Variants in ROBO2 observed in about 807,000 individuals in gnomAD.
ROBO2 encodes roundabout homolog 2.
In ROBO2, 53 loss-of-function variants were observed where a neutral mutation model predicts 160.8. That is an observed-to-expected ratio of 0.33 (90% CI 0.26 to 0.41). ROBO2 has a LOEUF of 0.41. ROBO2 is among the 10% of genes least tolerant of loss of function. ROBO2 has a pLI of 1.00. For synonymous variants in ROBO2, 664 were observed against 611.7 expected (o/e 1.09, Z -1.26); for missense variants, 1,577 against 1,722.4 (o/e 0.92, Z 1.49).
At chr3:76,363,666 T>C (rs1464744976) in intron 2 of ROBO2, among the ~76,000 whole-genome samples, 1 of 152,012 alleles carries the variant, frequency 6.6e-6, no homozygotes, top group African/African-American at 2.4e-5. Context: ...AAAAATCAAT[T>C]AATCTTAACT....
chr3:77,617,600 T>A, exon 22 of ROBO2: 1 of 1,614,150 alleles, frequency 6.2e-7, no homozygotes, highest in Non-Finnish European at 8.5e-7. Context: ...AAGATGATGA[T>A]AGGGTCCCAA....
Position 76,793,755 on chromosome 3 carries a change from G to T in ROBO2, c.110-304259G>T, listed in dbSNP as rs960924. Reference sequence around the variant, plus strand: ...GTCCTCCTTTCTACCACATCACTCTGCTATTTCTGTATCACCTATTTTGAC... The same window carrying T: ...GTCCTCCTTTCTACCACATCACTCTTCTATTTCTGTATCACCTATTTTGAC... On this transcript the variant is annotated intron_variant, in intron 2 of 26. Transcript: ENST00000487694. Among the ~76,000 whole-genome samples the T allele has an allele frequency of 2.0e-5, 3 of 151,764 alleles. No individual in the cohort carries two copies. In the East Asian group the frequency reaches 5.9e-4, roughly 30 times the overall value.
intron 2 of ROBO2, among the ~76,000 whole-genome samples, chr3:76,107,553 G>A (rs1204637714): frequency 6.6e-6 from 1 of 151,836 alleles, no homozygotes; most frequent in Non-Finnish European, 1.5e-5. Context: ...TGTTACATTT[G>A]CATAGCATTT....
At chr3:76,955,521 CTG>C (rs2079192102) in intron 2 of ROBO2, among the ~76,000 whole-genome samples, 1 of 152,090 alleles carries the variant, frequency 6.6e-6, no homozygotes, top group Non-Finnish European at 1.5e-5. Flanking sequence ...TTGTTATTTT[CTG>C]TGTTCTTTAT....
intron 2 of ROBO2, among the ~76,000 whole-genome samples, chr3:76,130,544 A>C (rs988783493): frequency 5.9e-5 from 9 of 152,134 alleles, no homozygotes; most frequent in Non-Finnish European, 1.3e-4. Flanking sequence ...CACTGATGCC[A>C]TGCCAGATAT....
At chr3:76,253,422 A>G (rs1706161556) in intron 2 of ROBO2, among the ~76,000 whole-genome samples, 1 of 151,674 alleles carries the variant, frequency 6.6e-6, no homozygotes. Context: ...ACAGGTGTGC[A>G]TCACCATGCT....
intron 2 of ROBO2, among the ~76,000 whole-genome samples, chr3:76,416,932 A>G (rs1263050573): frequency 6.6e-6 from 1 of 152,230 alleles, no homozygotes; most frequent in Non-Finnish European, 1.5e-5. Flanking sequence ...TCACCACATT[A>G]TTGAAAGAAA....
At chr3:75,962,788 T>A (rs1423864208) in intron 2 of ROBO2, among the ~76,000 whole-genome samples, 1 of 151,880 alleles carries the variant, frequency 6.6e-6, no homozygotes, top group African/African-American at 2.4e-5. Flanking sequence ...TGAAAATACG[T>A]GTGCTTTTAT....
chr3:77,413,266 A>G (rs1040580754), intron 2 of ROBO2, among the ~76,000 whole-genome samples: 1 of 152,150 alleles, frequency 6.6e-6, no homozygotes, highest in Non-Finnish European at 1.5e-5. Flanking sequence ...GTATGTAGGA[A>G]TGGGGAGTGG....
intron 2 of ROBO2, among the ~76,000 whole-genome samples, chr3:76,372,905 T>C (rs568967131): frequency 6.6e-6 from 1 of 152,022 alleles, no homozygotes; most frequent in South Asian, 2.1e-4. Flanking sequence ...TGACCACAAA[T>C]GGGGAATATG....
intron 2 of ROBO2, among the ~76,000 whole-genome samples, chr3:76,453,146 G>A (rs2077563529): frequency 1.3e-5 from 2 of 152,156 alleles, no homozygotes; most frequent in South Asian, 4.1e-4. Context: ...TCTGATGGTA[G>A]TTTCTTTTGC....
intron 2 of ROBO2, among the ~76,000 whole-genome samples, chr3:76,145,133 G>A (rs996466861): frequency 1.3e-5 from 2 of 151,540 alleles, no homozygotes; most frequent in East Asian, 3.9e-4. Flanking sequence ...GAAATCACAA[G>A]GTTTTTATTT....
chr3:76,367,205 A>G (rs1390419799), intron 2 of ROBO2, among the ~76,000 whole-genome samples: 2 of 151,994 alleles, frequency 1.3e-5, no homozygotes, highest in African/African-American at 4.8e-5. Flanking sequence ...TAAAATTCCT[A>G]ATATCATCTG....
chr3:76,104,168 A>G (rs2069822479), intron 2 of ROBO2, among the ~76,000 whole-genome samples: 1 of 152,232 alleles, frequency 6.6e-6, no homozygotes, highest in African/African-American at 2.4e-5. Context: ...GAGACACCAC[A>G]TTTTAAAAAG....
At chr3:77,487,189 T>C (rs1420718172) in intron 4 of ROBO2, among the ~76,000 whole-genome samples, 4 of 152,120 alleles carry the variant, frequency 2.6e-5, no homozygotes, top group African/African-American at 9.7e-5. Context: ...ATTAGTAGCA[T>C]GTGGTATAAG....
intron 1 of ROBO2, among the ~76,000 whole-genome samples, chr3:77,063,550 C>A (rs2066531104): frequency 6.6e-6 from 1 of 152,180 alleles, no homozygotes; most frequent in Admixed American, 6.5e-5. Flanking sequence ...GTAACTCTTT[C>A]TTCCTTTCTC....
At chr3:77,520,020 T>C (rs2090433266) in intron 5 of ROBO2, among the ~76,000 whole-genome samples, 1 of 151,468 alleles carries the variant, frequency 6.6e-6, no homozygotes, top group Non-Finnish European at 1.5e-5. Context: ...TTTGCAGTTC[T>C]CTGATGATTT....
intron 2 of ROBO2, among the ~76,000 whole-genome samples, chr3:76,390,346 A>T (rs1251284639): frequency 6.6e-6 from 1 of 152,084 alleles, no homozygotes; most frequent in African/African-American, 2.4e-5. Flanking sequence ...TAATATAATA[A>T]CTATATATAT....
intron 2 of ROBO2, among the ~76,000 whole-genome samples, chr3:76,908,996 G>A (rs1000555578): frequency 1.3e-5 from 2 of 152,192 alleles, no homozygotes; most frequent in Non-Finnish European, 2.9e-5. Flanking sequence ...GGGAGGCTGA[G>A]CAGGGAGAAT....
Sources: allele counts gnomAD v4.1 joint callset (sites outside exome capture counted in the v4.1 genomes callset), GRCh38; gene constraint gnomAD v4.1.1; transcripts MANE v1.5; gene names NCBI Gene and HGNC (gene_info 2026-07-23, HGNC 2026-07-21).